Variants in MBTPS1 observed in about 807,000 individuals in gnomAD.
The protein encoded by MBTPS1 is membrane-bound transcription factor site-1 protease.
In MBTPS1, 94 loss-of-function variants were observed where a neutral mutation model predicts 127.8. The observed-to-expected ratio is 0.74, with a 90% CI of 0.62 to 0.87. The LOEUF (loss-of-function observed/expected upper bound fraction) is 0.87. Ranked by LOEUF, MBTPS1 falls within the 40% of genes least tolerant of loss-of-function variation. The pLI is 0.00. For missense variants in MBTPS1, 1,636 were observed against 1,353.2 expected, an observed-to-expected ratio of 1.21 and a Z score of -3.28; for synonymous variants, 632 against 509.4, an observed-to-expected ratio of 1.24 and a Z score of -3.24.
Position 84,091,091 on chromosome 16 carries a change from C to A in MBTPS1, c.964-149G>T, listed in dbSNP as rs534014225. On this transcript the variant is annotated intron_variant, in intron 7 of 22. Coordinates refer to ENST00000343411, the MANE Select transcript of MBTPS1 (RefSeq NM_003791.4). ...TAAAGGCGGATGTGCTGGCAACTTG[C>A]ATTTTTAGAGGATACCACCCGGGAC... 1.6e-4 allele frequency: 104 copies of A among 669,538 alleles called. 1 individual carries two copies. The South Asian group carries it at 1.8e-3, about 11-fold the overall frequency. 41.5% of individuals were successfully genotyped at this position (669,538 alleles called of 1,614,324 possible).
At chr16:84,072,155 TG>T (rs1465791317) in intron 12 of MBTPS1, 1 of 152,212 alleles carries the variant, frequency 6.6e-6, no homozygotes, top group Non-Finnish European at 1.5e-5. Context: ...AGCGCGGCAC[TG>T]ACAGCACTAC....
In MBTPS1 at chr16:84,095,715, G is replaced by C. The variant is rs575732938; in HGVS notation, c.512C>G (p.Ser171Cys). ...CCTTCCCGTAGCATGCCAGAAGCCA[G>C]AGCCCAGGGAGAGGCTGGCTCTTCG... ...PLRRASLSLGSGFWHATGRHS... is the reference protein window; with the variant it reads ...PLRRASLSLGCGFWHATGRHS... The change falls in exon 4 of 23, where the codon TCT (serine) becomes TGT (cysteine). Residue 171 changes from serine (S) to cysteine (C), a missense_variant. Coordinates refer to ENST00000343411, the MANE Select transcript of MBTPS1 (RefSeq NM_003791.4). The C allele has an allele frequency of 2.5e-6, 4 of 1,614,256 alleles. No individual in the cohort carries two copies. The highest frequency in any genetic ancestry group is 2.2e-5 in the East Asian group (1 of 44,892).
At chr16:84,073,219 C>A (rs868358425) in intron 12 of MBTPS1, among the ~76,000 whole-genome samples, 3 of 152,090 alleles carry the variant, frequency 2.0e-5, no homozygotes, top group African/African-American at 7.2e-5. Context: ...CTGCAACCTC[C>A]GCCTCCCAGG....
At chr16:84,081,063 T>C (rs986776647) in intron 11 of MBTPS1, among the ~76,000 whole-genome samples, 1 of 152,126 alleles carries the variant, frequency 6.6e-6, no homozygotes, top group Non-Finnish European at 1.5e-5. Flanking sequence ...TGTGGGACAA[T>C]GGGCGGAATC....
rs964301539 is a variant in MBTPS1 at position 84,095,528 on chromosome 16, T to A, written c.625+74A>T. The stretch of plus-strand genomic sequence containing the variant: ...ACATGGAATTCCTGCATGTCTGGAC[T>A]TTCCGCGCCTTCCCTGGGTAATAGC... On this transcript the variant is annotated intron_variant, in intron 4 of 22. Transcript: ENST00000343411. 4 of 1,530,432 alleles carry A rather than the reference T, an allele frequency of 2.6e-6. No individual in the cohort carries two copies. The African/African-American group carries it at 5.4e-5, about 21-fold the overall frequency. The allele number at this position is 1,530,432 out of a possible 1,614,324, so 94.8% of individuals were successfully genotyped here. A position where few individuals can be genotyped will look rare whatever the true frequency, so the allele number is the denominator to read the frequency against.
intron 1 of MBTPS1, among the ~76,000 whole-genome samples, chr16:84,107,317 G>A (rs1330751137): frequency 1.3e-5 from 2 of 152,194 alleles, no homozygotes; most frequent in Non-Finnish European, 2.9e-5. Flanking sequence ...CAGCCCACCT[G>A]CTCTAGTCAC....
rs577408353 is a variant in MBTPS1, at chr16:84,054,329, T to G, written c.*120A>C. On this transcript the variant is annotated 3_prime_UTR_variant, in exon 23 of 23. Coordinates refer to ENST00000343411, the MANE Select transcript of MBTPS1 (RefSeq NM_003791.4). ...GGGCAGGCCCATGTAGAACAGACTC[T>G]AACAAACCTGCAGCTGGAAACTGGA... The G allele has an allele frequency of 3.1e-5, 28 of 904,108 alleles. No homozygotes were observed. In the Middle Eastern group the frequency reaches 1.1e-3, roughly 36 times the overall value. 56.0% of individuals were successfully genotyped at this position (904,108 alleles called of 1,614,324 possible). A position where few individuals can be genotyped will look rare whatever the true frequency, so the allele number is the denominator to read the frequency against.
chr16:84,091,769 C>T lies in MBTPS1; in HGVS notation c.926G>A (p.Gly309Asp). The T allele has an allele frequency of 6.2e-7, 1 of 1,614,100 alleles. No individual in the cohort carries two copies. Among genetic ancestry groups the T allele is most frequent in the Non-Finnish European group, 8.5e-7 (1 of 1,180,000 alleles). Reference protein sequence around the residue: ...KKIDVLNLSIGGPDFMDHPFV... With the variant: ...KKIDVLNLSIDGPDFMDHPFV... ...CGGATGATCCATGAAGTCCGGGCCG[C>T]CGATGCTGAGGTTTAACACGTCGAT... Residue 309 changes from glycine (G) to aspartate (D), a missense_variant, in exon 7 of 23, where the codon GGC becomes GAC. Transcript: ENST00000343411.
At chr16:84,104,687 T>C (rs1429900739) in intron 1 of MBTPS1, among the ~76,000 whole-genome samples, 1 of 152,152 alleles carries the variant, frequency 6.6e-6, no homozygotes, top group Admixed American at 6.5e-5. Context: ...ACACAGCCCA[T>C]GCAGAAGAGA....
At chr16:84,060,445 T>G in intron 20 of MBTPS1, 1 of 462,872 alleles carries the variant, frequency 2.2e-6, no homozygotes, top group Admixed American at 3.4e-5. Context: ...AGGGTCGGGG[T>G]GCACGTGGGA....
chr16:84,088,436 G>A (rs1391817954), intron 8 of MBTPS1, among the ~76,000 whole-genome samples: 1 of 152,060 alleles, frequency 6.6e-6, no homozygotes, highest in Non-Finnish European at 1.5e-5. Context: ...GATGCTAGAT[G>A]TTTACACATT....
chr16:84,067,792 C>T lies in MBTPS1; in HGVS notation c.2103G>A (p.Glu701=), dbSNP rs748107698. 6.2e-7 allele frequency: 1 copy of T among 1,612,924 alleles called. No individual in the cohort carries two copies. Among genetic ancestry groups the T allele is most frequent in the Non-Finnish European group, 8.5e-7 (1 of 1,179,130 alleles). Residue 701 remains glutamate (E), a synonymous_variant, in exon 16 of 23, where the codon GAG becomes GAA. Transcript: ENST00000343411. ...GTLLMVDSEE[E]YFPEEIAKLR... ...GCTTGGCGATCTCTTCAGGGAAGTA[C>T]TCCTCCTCACTGTCCACCATCAGCA...
intron 16 of MBTPS1, among the ~76,000 whole-genome samples, chr16:84,067,290 C>T (rs1251932549): frequency 6.6e-6 from 1 of 152,142 alleles, no homozygotes; most frequent in South Asian, 2.1e-4. Context: ...ACTCAATAAA[C>T]ATCTTACTCT....
chr16:84,065,547 A>T, intron 18 of MBTPS1, 143 bp downstream of exon 18: 1 of 649,504 alleles, frequency 1.5e-6, no homozygotes, highest in South Asian at 1.8e-5. Flanking sequence ...GTACACTTTA[A>T]AAGGGCAACT....
At chr16:84,105,824 C>T (rs1303229803) in intron 1 of MBTPS1, among the ~76,000 whole-genome samples, 1 of 152,162 alleles carries the variant, frequency 6.6e-6, no homozygotes, top group Non-Finnish European at 1.5e-5. Context: ...TCCAACTCAT[C>T]TAGTGAGAAA....
chr16:84,093,782 C>T lies in MBTPS1; in HGVS notation c.665G>A (p.Ser222Asn). Residue 222 changes from serine to asparagine, a missense_variant, in exon 5 of 23, where the codon AGC (serine) becomes AAC (asparagine). Physicochemically the swap from Ser to Asn is conservative, Grantham distance 46. Transcript: ENST00000343411. ...ATTTTTGAAGTGGGGATGCTTCTCG[C>T]TCAGCCCAGTGTCAAAAACAGCAAC... ...VRVAVFDTGL[S>N]EKHPHFKNVK... is the part of the protein sequence containing the mutation. The T allele has an allele frequency of 1.2e-6, 2 of 1,614,042 alleles. No homozygotes were observed. Among genetic ancestry groups the T allele is most frequent in the Non-Finnish European group, 1.7e-6 (2 of 1,179,958 alleles).
At chr16:84,055,714 G>T (rs1237974622) in intron 22 of MBTPS1, among the ~76,000 whole-genome samples, 1 of 152,220 alleles carries the variant, frequency 6.6e-6, no homozygotes, top group East Asian at 1.9e-4. Context: ...CATAAAGAGC[G>T]TGCAAGTTAC....
At position 84,070,013 on chromosome 16, in the gene MBTPS1, G is replaced by A. The variant is rs1287979685; in HGVS notation, c.1808C>T (p.Ser603Leu). The stretch of plus-strand genomic sequence containing the variant: ...CACCTTAATGGGGAGCTTTACTGTT[G>A]AAGTCTGTTCTGCACCATTTTTTGA... ...TESKNGAEQT[S>L]TVKLPIKVKI... The change falls in exon 14 of 23, where the codon TCA becomes TTA. Residue 603 changes from serine (S) to leucine (L), a missense_variant. Ser to Leu is a moderately radical substitution (Grantham distance 145). Coordinates refer to ENST00000343411, the MANE Select transcript of MBTPS1 (RefSeq NM_003791.4). The A allele has an allele frequency of 1.2e-6, 2 of 1,613,202 alleles. No individual in the cohort carries two copies. The highest frequency in any genetic ancestry group is 2.2e-5 in the East Asian group (1 of 44,864).
intron 20 of MBTPS1, 43 bp downstream of exon 20, chr16:84,060,639 T>C (rs1242403242): frequency 1.3e-6 from 2 of 1,598,642 alleles, no homozygotes; most frequent in Non-Finnish European, 1.7e-6. Flanking sequence ...CATGTTCAGC[T>C]GGATCCAATT....
Sources: gnomAD v4.1 joint callset for allele counts (sites outside exome capture counted in the v4.1 genomes callset) on GRCh38, gnomAD v4.1.1 for gene constraint, MANE v1.5 for transcripts, NCBI Gene and HGNC (gene_info 2026-07-23, HGNC 2026-07-21) for gene names.